The following OPLAH variants were observed in gnomAD, a reference collection of about 807,000 sequenced individuals.
The protein encoded by OPLAH is 5-oxoprolinase, ATP-hydrolysing, also known as 5-oxoprolinase.
Under a neutral mutation model 122.8 loss-of-function variants are expected in OPLAH, and 103 were observed. That is an observed-to-expected ratio of 0.84 (90% CI 0.71 to 0.99). The LOEUF (loss-of-function observed/expected upper bound fraction) is 0.99. Among genes scored for constraint, OPLAH ranks in the 50% least tolerant of loss-of-function variants. The pLI, the probability that OPLAH is intolerant of heterozygous loss-of-function variation, is 0.00. For synonymous variants in OPLAH, 875 were observed against 796.0 expected (o/e 1.10, Z -1.67); for missense variants, 1,902 against 1,836.5 (o/e 1.04, Z -0.65).
chr8:144,050,337 G>T (rs1462409591), downstream of OPLAH: 1 of 960,474 alleles, frequency 1.0e-6, no homozygotes, highest in African/African-American at 2.0e-5. Context: ...AGCTGACGCC[G>T]CTGCTGGACT....
rs1554759409 is a variant in OPLAH, at chr8:144,057,059, T to C, written c.1595A>G (p.Gln532Arg). ...CGCGTAGAGCAGGGAGCAGGGTTCC[T>C]GTGCCTCATGCACCACGTCAGCCAG... The part of the protein sequence containing the change: ...LALADVVHEA[Q>R]EPCSLLYAPE... Residue 532 changes from glutamine to arginine, a missense_variant, in exon 12 of 27, where the codon CAG becomes CGG. Physicochemically the swap from Gln to Arg is conservative, Grantham distance 43. Transcript: ENST00000618853. 1.2e-6 allele frequency: 2 copies of C among 1,602,406 alleles called. No individual in the cohort carries two copies. The highest frequency in any genetic ancestry group is 2.2e-5 in the South Asian group (2 of 88,922).
At chr8:144,054,286 G>A (rs1250504442) in intron 19 of OPLAH, among the ~76,000 whole-genome samples, 1 of 152,062 alleles carries the variant, frequency 6.6e-6, no homozygotes, top group African/African-American at 2.4e-5. Flanking sequence ...CCTTGAAACA[G>A]GCTTCTCTCT....
rs1835484098 is a variant in OPLAH, at chr8:144,055,246, G to T, written c.2249-57C>A. The T allele has an allele frequency of 6.8e-7, 1 of 1,475,428 alleles. No individual in the cohort carries two copies. 91.4% of individuals were successfully genotyped at this position (1,475,428 alleles called of 1,614,324 possible). On this transcript the variant is annotated intron_variant, in intron 16 of 26. Coordinates refer to ENST00000618853, the MANE Select transcript of OPLAH (RefSeq NM_017570.5). This position sits in a 1 kb window ranked among gnomAD's most constrained non-coding sequence, Gnocchi z 6.5. ...CCCACCCACCCACAGCCTGGCCCCAGGAAAGGGAGGAACAGGACCCACCAG... is the reference window on the plus strand; with the variant it reads ...CCCACCCACCCACAGCCTGGCCCCATGAAAGGGAGGAACAGGACCCACCAG...
Position 144,051,805 on chromosome 8 carries a change from C to T in OPLAH, c.3644G>A (p.Gly1215Asp). ...GTTTTTGCGGATCAGCAGGTTTAGG[C>T]CGCGGGCGCCAGGCTCGCCCCCTGC... ...GLHGGEPGAR[G>D]LNLLIRKNGR... is the part of the protein sequence containing the mutation. Residue 1215 changes from glycine (G) to aspartate (D), a missense_variant, in exon 26 of 27, where the codon GGC becomes GAC. Transcript: ENST00000618853. 1.3e-6 allele frequency: 2 copies of T among 1,597,334 alleles called. No homozygotes were observed.
downstream of OPLAH, chr8:144,051,171 G>A (rs1202771481): frequency 1.4e-6 from 2 of 1,436,928 alleles, no homozygotes; most frequent in East Asian, 2.7e-5. Flanking sequence ...CCACCGGGCA[G>A]TGCGCCTGCA....
upstream of OPLAH, among the ~76,000 whole-genome samples, chr8:144,062,166 C>A (rs1835674370): frequency 1.3e-5 from 2 of 152,196 alleles, no homozygotes; most frequent in African/African-American, 4.8e-5. Context: ...AATCCAAGAA[C>A]CCTCTCTTGG....
rs1458682051 is a variant in OPLAH, at chr8:144,051,759, G to A, written c.3690C>T (p.Gly1230=). The change falls in exon 26 of 27, where the codon GGC becomes GGT. Residue 1230 remains glycine (G), a synonymous_variant. Transcript: ENST00000618853. ...IRKNGRTVNL[G]GKTSVTVYPG... The stretch of plus-strand genomic sequence containing the variant: ...GGTACACGGTCACCGACGTCTTGCC[G>A]CCCAGATTCACCGTCCGGCCGTTTT... The A allele has an allele frequency of 1.2e-6, 2 of 1,606,590 alleles. No individual in the cohort carries two copies. Among genetic ancestry groups the A allele is most frequent in the South Asian group, 1.1e-5 (1 of 90,076 alleles).
Position 144,057,918 on chromosome 8 carries a change from C to G in OPLAH, c.1094G>C (p.Gly365Ala), listed in dbSNP as rs782581546. The change falls in exon 9 of 27, where the codon GGC becomes GCC. Residue 365 changes from glycine to alanine, a missense_variant. Around this residue, in one of 3 missense-constraint regions of OPLAH, gnomAD observed 1,726 missense variants for 1,642.1 expected, o/e 1.05. Coordinates refer to ENST00000618853, the MANE Select transcript of OPLAH (RefSeq NM_017570.5). Reference sequence around the variant, plus strand: ...TGACTCGGGCCCAACCACAAAGAGGCCAGACCTAGGGGAAGGAAGGGCTGG... The same window carrying G: ...TGACTCGGGCCCAACCACAAAGAGGGCAGACCTAGGGGAAGGAAGGGCTGG... The part of the protein sequence containing the change: ...GGGSRLFFRS[G>A]LFVVGPESAG... 3 of 1,611,798 alleles carry G rather than the reference C, an allele frequency of 1.9e-6. No individual in the cohort carries two copies. Among genetic ancestry groups the G allele is most frequent in the Non-Finnish European group, 2.5e-6 (3 of 1,179,558 alleles).
chr8:144,054,170 C>T (rs770184734), intron 19 of OPLAH, among the ~76,000 whole-genome samples: 4 of 151,920 alleles, frequency 2.6e-5, no homozygotes, highest in Non-Finnish European at 5.9e-5. Flanking sequence ...GTGACTCAGA[C>T]CTAGGCCCAG....
rs1587567796 is a variant in OPLAH, at chr8:144,059,494, G to A, written c.363+105C>T. The stretch of plus-strand genomic sequence containing the variant: ...GGGAGCTTCCTCTTTGTCGGCTGGT[G>A]CCCATGAGCCATCACTAATCCAACA... On this transcript the variant is annotated intron_variant, in intron 3 of 26. Coordinates refer to ENST00000618853, the MANE Select transcript of OPLAH (RefSeq NM_017570.5). 3.3e-6 allele frequency: 4 copies of A among 1,200,610 alleles called. No homozygotes were observed. In the East Asian group the frequency reaches 7.5e-5, roughly 22 times the overall value. 74.4% of individuals were successfully genotyped at this position (1,200,610 alleles called of 1,614,324 possible).
rs1835485547 is a variant in OPLAH at position 144,055,302 on chromosome 8, G to A, written c.2249-113C>T. On this transcript the variant is annotated intron_variant, in intron 16 of 26. Transcript: ENST00000618853. The surrounding 1 kb of genome is among the most constrained non-coding windows in gnomAD (Gnocchi z 6.5). Reference sequence around the variant, plus strand: ...AAACCCAGGACCCAGGAAAAACCCAGCAGCTTTTTCCTGGGGAAGACCAAG... The same window carrying A: ...AAACCCAGGACCCAGGAAAAACCCAACAGCTTTTTCCTGGGGAAGACCAAG... 5.1e-6 allele frequency: 6 copies of A among 1,185,502 alleles called. No individual in the cohort carries two copies. The highest frequency in any genetic ancestry group is 2.8e-5 in the East Asian group (1 of 35,438). The allele number at this position is 1,185,502 out of a possible 1,614,324, so 73.4% of individuals were successfully genotyped here.
chr8:144,052,568 G>C lies in OPLAH; in HGVS notation c.3184C>G (p.Pro1062Ala). The change falls in exon 23 of 27, where the codon CCC becomes GCC. Residue 1062 changes from proline to alanine, a missense_variant. Transcript: ENST00000618853. Reference sequence around the variant, plus strand: ...GACGGGTCCAGGATGGAGCCTCGGGGAATGACCACGCGCACTGGCGCCAGG... The same window carrying C: ...GACGGGTCCAGGATGGAGCCTCGGGCAATGACCACGCGCACTGGCGCCAGG... ...GCLAPVRVVI[P>A]RGSILDPSPE... is the part of the protein sequence containing the mutation. 6.3e-7 allele frequency: 1 copy of C among 1,596,922 alleles called. No individual in the cohort carries two copies. The highest frequency in any genetic ancestry group is 8.5e-7 in the Non-Finnish European group (1 of 1,177,764).
Position 144,057,231 on chromosome 8 carries a change from G to A in OPLAH, c.1512C>T (p.Gly504=). Reference sequence around the variant, plus strand: ...ACCTGTGGATGTGCACCGTGTCCATGCCCAGGGCCCGGGCGATGGCACATG... The same window carrying A: ...ACCTGTGGATGTGCACCGTGTCCATACCCAGGGCCCGGGCGATGGCACATG... ...QHACAIARAL[G]MDTVHIHRHS... is the part of the protein sequence containing the mutation. The change falls in exon 11 of 27, where the codon GGC becomes GGT. Residue 504 remains glycine (G), a synonymous_variant. Coordinates refer to ENST00000618853, the MANE Select transcript of OPLAH (RefSeq NM_017570.5). The A allele has an allele frequency of 1.2e-6, 2 of 1,612,168 alleles. No individual in the cohort carries two copies. The highest frequency in any genetic ancestry group is 8.5e-7 in the Non-Finnish European group (1 of 1,179,662).
rs782158791 is a variant in OPLAH at position 144,055,875 on chromosome 8, C to A, written c.2161G>T (p.Val721Leu). 96 of 1,583,324 alleles carry A rather than the reference C, an allele frequency of 6.1e-5. No individual in the cohort carries two copies. The highest frequency in any genetic ancestry group is 1.1e-4 in the Admixed American group (6 of 55,962). ...ACTGTGCCGGGGACTTCGGCCCCCA[C>A]GGAGATGCAGATGTCCCCTGTCTTG... The part of the protein sequence containing the change: ...VTKTGDICIS[V>L]GAEVPGTVGP... Residue 721 changes from valine to leucine, a missense_variant, in exon 16 of 27, where the codon GTG becomes TTG. By Grantham distance (32) the Val-to-Leu change is conservative. Coordinates refer to ENST00000618853, the MANE Select transcript of OPLAH (RefSeq NM_017570.5). The surrounding 1 kb of genome is among the most constrained non-coding windows in gnomAD (Gnocchi z 6.5).
In OPLAH at chr8:144,056,157, C is replaced by T. The variant is rs1554758953; in HGVS notation, c.2086G>A (p.Asp696Asn). 6 of 1,605,762 alleles carry T rather than the reference C, an allele frequency of 3.7e-6. No homozygotes were observed. The highest frequency in any genetic ancestry group is 2.2e-5 in the East Asian group (1 of 44,606). Residue 696 changes from aspartate (D) to asparagine (N), a missense_variant, in exon 15 of 27, where the codon GAC becomes AAC. Physicochemically the swap from Asp to Asn is conservative, Grantham distance 23. Transcript: ENST00000618853. ...CGGACTTCAGCCCACCTGTTACTGT[C>T]GATGATGAGGCAGGGCCCATGGAGC... ...HKLHGPCLII[D>N]SNSTILVEPG...
Position 144,051,372 on chromosome 8 carries a change from T to C in OPLAH, c.3821A>G (p.Glu1274Gly). 6.2e-7 allele frequency: 1 copy of C among 1,607,976 alleles called. No homozygotes were observed. Among genetic ancestry groups the C allele is most frequent in the Non-Finnish European group, 8.5e-7 (1 of 1,177,878 alleles). Residue 1274 changes from glutamate (E) to glycine (G), a missense_variant, in exon 27 of 27, where the codon GAG becomes GGG. Coordinates refer to ENST00000618853, the MANE Select transcript of OPLAH (RefSeq NM_017570.5). ...GSPPQALAFP[E>G]HGSVYEYRRA... ...GCGATACTCATAGACGCTGCCGTGC[T>C]CGGGAAAGGCCAGTGCTTGCGGGGG...
chr8:144,056,652 G>A lies in OPLAH; in HGVS notation c.1810C>T (p.Arg604Cys), dbSNP rs377166928. Residue 604 changes from arginine (R) to cysteine (C), a missense_variant, in exon 13 of 27, where the codon CGT becomes TGT. Physicochemically the swap from Arg to Cys is radical, Grantham distance 180. Around this residue, in one of 3 missense-constraint regions of OPLAH, gnomAD observed 1,726 missense variants for 1,642.1 expected, o/e 1.05. Transcript: ENST00000618853. ...HQHPATARSP[R>C]AGDFGAAFVE... ...AAGGCTGCCCCGAAGTCCCCCGCAC[G>A]GGGCGAGCGGGCTGTGGCTGGGTGC... 55 of 1,612,030 alleles carry A rather than the reference G, an allele frequency of 3.4e-5. No homozygotes were observed. The highest frequency in any genetic ancestry group is 3.2e-4 in the South Asian group (29 of 91,056).
Position 144,058,254 on chromosome 8 carries a change from C to A in OPLAH, c.934G>T (p.Gly312Cys). The change falls in exon 7 of 27, where the codon GGC (glycine) becomes TGC (cysteine). Residue 312 changes from glycine (G) to cysteine (C), a missense_variant. This residue lies in a region of OPLAH where 1,726 missense variants were observed against 1,642.1 expected (regional missense o/e 1.05). Transcript: ENST00000618853. ...GCCCTCATACCTCCCATGTCAAAGC[C>A]GATGACAGGCTGGCCACCCTCCTGC... Reference protein sequence around the residue: ...YQQEGGQPVIGFDMGGTSTDV... With the variant: ...YQQEGGQPVICFDMGGTSTDV... The A allele has an allele frequency of 6.2e-7, 1 of 1,610,432 alleles. No homozygotes were observed.
upstream of OPLAH, among the ~76,000 whole-genome samples, chr8:144,061,608 C>T (rs1178046127): frequency 1.3e-5 from 2 of 152,226 alleles, no homozygotes; most frequent in African/African-American, 4.8e-5. Context: ...CTACACTCCC[C>T]GCAGCGCCAT....
Sources: gnomAD v4.1 joint callset for allele counts (sites outside exome capture counted in the v4.1 genomes callset) on GRCh38, gnomAD v4.1.1 for gene constraint, gnomAD v4.1.1 regional missense constraint, Gnocchi (gnomAD v3.1) non-coding constraint, MANE v1.5 for transcripts, NCBI Gene and HGNC (gene_info 2026-07-23, HGNC 2026-07-21) for gene names.